RBFOX2: variants seen among roughly 807,000 people sequenced by gnomAD.
The protein encoded by RBFOX2 is RNA binding protein fox-1 homolog 2.
Under a neutral mutation model 49.1 loss-of-function variants are expected in RBFOX2, and 10 were observed. The ratio of observed to expected loss-of-function variants is 0.20; its 90% CI spans 0.13 to 0.35. The LOEUF (loss-of-function observed/expected upper bound fraction) is 0.35, where lower values mean the gene tolerates loss of function less well. Ranked by LOEUF, RBFOX2 falls within the 10% of genes least tolerant of loss-of-function variation. The pLI, the probability that RBFOX2 is intolerant of heterozygous loss-of-function variation, is 1.00. For missense variants in RBFOX2, 323 were observed against 486.9 expected (o/e 0.66, Z 3.17); for synonymous variants, 183 against 187.4 (o/e 0.98, Z 0.19).
intron 1 of RBFOX2, among the ~76,000 whole-genome samples, chr22:35,852,063 A>C (rs185228858): frequency 1.0e-5 from 1 of 97,278 alleles, no homozygotes; most frequent in Non-Finnish European, 1.9e-5. Flanking sequence ...GAAAAGCAAT[A>C]AAAAAAACCC....
At chr22:35,945,743 A>C (rs2054206061) in intron 1 of RBFOX2, among the ~76,000 whole-genome samples, 1 of 152,158 alleles carries the variant, frequency 6.6e-6, no homozygotes, top group South Asian at 2.1e-4. Flanking sequence ...GGCCTCAAGA[A>C]GAGAAATTGC....
Position 35,865,394 on chromosome 22 carries a change from G to C in RBFOX2, c.-33-55390C>G, listed in dbSNP as rs374754235. Among the ~76,000 whole-genome samples, 22 of 152,162 alleles carry C rather than the reference G, an allele frequency of 1.4e-4. No individual in the cohort carries two copies. In the South Asian group the frequency reaches 3.9e-3, roughly 27 times the overall value. ...CCAGGCCTATAGCACCAATTCCTCA[G>C]TTAAACACTGAGGAGTTCAGGACTA... is the stretch of plus-strand genomic sequence containing the variant. On this transcript the variant is annotated intron_variant, in intron 1 of 13. Coordinates refer to the RBFOX2 transcript ENST00000359369.
intron 2 of RBFOX2, among the ~76,000 whole-genome samples, chr22:35,808,680 T>A (rs1360858244): frequency 6.6e-6 from 1 of 151,928 alleles, no homozygotes; most frequent in Non-Finnish European, 1.5e-5. Flanking sequence ...AGACCCTGTC[T>A]CTACAAAAAA....
intron 1 of RBFOX2, among the ~76,000 whole-genome samples, chr22:35,810,552 G>T (rs991149618): frequency 2.6e-5 from 4 of 151,998 alleles, no homozygotes; most frequent in African/African-American, 9.7e-5. Flanking sequence ...AGAAAAACAG[G>T]CAAACTGTGT....
chr22:35,773,057 A>C (rs907976200), intron 4 of RBFOX2, among the ~76,000 whole-genome samples: 39 of 151,536 alleles, frequency 2.6e-4, no homozygotes, highest in South Asian at 8.3e-4. Flanking sequence ...AGAAAAAAAA[A>C]AAACAAACTA....
At chr22:35,974,390 A>G (rs1466579416) in intron 1 of RBFOX2, among the ~76,000 whole-genome samples, 1 of 152,192 alleles carries the variant, frequency 6.6e-6, no homozygotes, top group Non-Finnish European at 1.5e-5. Flanking sequence ...GGGTGTAATT[A>G]AAAAACAGGC....
chr22:35,916,574 GC>G (rs1324342029), intron 1 of RBFOX2, among the ~76,000 whole-genome samples: 2 of 152,142 alleles, frequency 1.3e-5, no homozygotes, highest in African/African-American at 4.8e-5. Context: ...AAGTCACCGT[GC>G]CCAGCCAGGA....
At chr22:35,919,777 A>G (rs2050828474) in intron 1 of RBFOX2, among the ~76,000 whole-genome samples, 2 of 152,222 alleles carry the variant, frequency 1.3e-5, no homozygotes, top group South Asian at 4.1e-4. Context: ...GGGAACTTTG[A>G]TTCTTCTAGC....
At chr22:35,875,145 T>C (rs1356957285) in intron 1 of RBFOX2, among the ~76,000 whole-genome samples, 4 of 152,064 alleles carry the variant, frequency 2.6e-5, no homozygotes, top group Non-Finnish European at 5.9e-5. Context: ...CCAAGATCAA[T>C]TTGCTGTTGG....
At chr22:35,862,382 G>T (rs867677172) in intron 1 of RBFOX2, among the ~76,000 whole-genome samples, 2 of 150,564 alleles carry the variant, frequency 1.3e-5, no homozygotes, top group Non-Finnish European at 3.0e-5. Flanking sequence ...TTTGGAGGGG[G>T]GGGGGAATGA....
chr22:35,834,386 C>T (rs927657080), intron 1 of RBFOX2, among the ~76,000 whole-genome samples: 1 of 152,112 alleles, frequency 6.6e-6, no homozygotes, highest in Admixed American at 6.5e-5. Context: ...GACTATGTGC[C>T]AGGCACTGTT....
upstream of RBFOX2, among the ~76,000 whole-genome samples, chr22:35,939,618 T>C (rs568235717): frequency 6.6e-6 from 1 of 152,134 alleles, no homozygotes; most frequent in Non-Finnish European, 1.5e-5. Flanking sequence ...ATTAACCTTA[T>C]TTTTTAAAGG....
rs1016918564 is a variant in RBFOX2, at chr22:35,764,385, C to T, written c.607+1038G>A. Among the ~76,000 whole-genome samples the T allele has an allele frequency of 5.9e-5, 9 of 152,074 alleles. No individual in the cohort carries two copies. The South Asian group carries it at 8.3e-4, about 14-fold the overall frequency. Reference sequence around the variant, plus strand: ...GGATCACGAGGTCAGGAGGTTGAGACCATCCTGGCTAACACGGTGAAACCC... The same window carrying T: ...GGATCACGAGGTCAGGAGGTTGAGATCATCCTGGCTAACACGGTGAAACCC... On this transcript the variant is annotated intron_variant, in intron 6 of 11. Coordinates refer to ENST00000405409, the Ensembl canonical transcript of RBFOX2.
rs753116056 is a variant in RBFOX2, at chr22:35,775,841, C to CAAAA, written c.453+2180_453+2183dup. ...TGGGCAACAGAGCGAGAATCTGCCT[C>CAAAA]AAAAAAAAAAAAAAAAAAAAGAAAA... On this transcript the variant is annotated intron_variant, in intron 4 of 11. Coordinates refer to ENST00000405409, the Ensembl canonical transcript of RBFOX2. Among the ~76,000 whole-genome samples the CAAAA allele has an allele frequency of 1.5e-3, 85 of 56,044 alleles. 2 individuals carry two copies. Among genetic ancestry groups the CAAAA allele is most frequent in the Middle Eastern group, 8.1e-3 (1 of 124 alleles). The allele number at this position is 56,044 out of a possible 152,430, so 36.8% of individuals were successfully genotyped here. A position where few individuals can be genotyped will look rare whatever the true frequency, so the allele number is the denominator to read the frequency against.
intron 1 of RBFOX2, among the ~76,000 whole-genome samples, chr22:35,817,506 AAAT>A (rs1953382240): frequency 6.6e-6 from 1 of 151,998 alleles, no homozygotes; most frequent in Non-Finnish European, 1.5e-5. Context: ...ATAAATAAAT[AAAT>A]AAAAAGAGAG....
intron 1 of RBFOX2, among the ~76,000 whole-genome samples, chr22:35,832,369 T>A (rs117066177): frequency 0.012 from 1,894 of 151,974 alleles, 19 homozygotes; most frequent in Non-Finnish European, 0.021. Flanking sequence ...TGAGACCCTG[T>A]CTCAAAAACA....
intron 2 of RBFOX2, among the ~76,000 whole-genome samples, chr22:35,797,528 ATTC>A (rs1391906236): frequency 6.6e-6 from 1 of 152,224 alleles, no homozygotes; most frequent in Admixed American, 6.5e-5. Flanking sequence ...CATCAAGGAC[ATTC>A]TTAAGTGAAC....
intron 2 of RBFOX2, among the ~76,000 whole-genome samples, chr22:35,806,749 A>C (rs1203504884): frequency 2.6e-5 from 4 of 152,190 alleles, no homozygotes; most frequent in Non-Finnish European, 5.9e-5. Context: ...TGCTCCAATA[A>C]AAAGACAGAA....
At chr22:35,974,437 C>G (rs987503810) in intron 1 of RBFOX2, among the ~76,000 whole-genome samples, 3 of 152,202 alleles carry the variant, frequency 2.0e-5, no homozygotes, top group Admixed American at 2.0e-4. Flanking sequence ...GTTATCCCAG[C>G]ACTTTGTTTG....
Sources: allele counts gnomAD v4.1 joint callset (sites outside exome capture counted in the v4.1 genomes callset), GRCh38; gene constraint gnomAD v4.1.1; transcripts MANE v1.5; gene names NCBI Gene and HGNC (gene_info 2026-07-23, HGNC 2026-07-21).